Variants in ADA observed in about 807,000 individuals in gnomAD.
ADA encodes adenosine aminohydrolase.
A neutral mutation model predicts 49.0 loss-of-function variants in ADA; 45 were observed. That is an observed-to-expected ratio of 0.92 (90% confidence interval 0.72 to 1.18). The LOEUF is 1.18. ADA is among the 50% of genes most tolerant of loss of function. The pLI is 0.00. For missense variants in ADA, 445 were observed against 472.5 expected (o/e 0.94, Z 0.54); for synonymous variants, 173 against 184.2 (o/e 0.94, Z 0.49).
intron 2 of ADA, among the ~76,000 whole-genome samples, chr20:44,635,752 G>T (rs761290852): frequency 6.6e-6 from 1 of 152,126 alleles, no homozygotes; most frequent in Non-Finnish European, 1.5e-5. Context: ...ACAAAAATTA[G>T]CTGGATGTGG....
chr20:44,623,103 G>T (rs1392565883), intron 6 of ADA, 25 bp from the exon 7 acceptor site: 4 of 1,613,418 alleles, frequency 2.5e-6, no homozygotes, highest in African/African-American at 2.7e-5. Flanking sequence ...GCCAGGTCAT[G>T]GGTGCCCTAG....
chr20:44,649,038 G>A (rs2065618486), intron 1 of ADA, among the ~76,000 whole-genome samples: 3 of 152,028 alleles, frequency 2.0e-5, no homozygotes, highest in Non-Finnish European at 4.4e-5. Context: ...ATCCCCAAAG[G>A]CTTCTGCAGA....
At chr20:44,625,533 A>C in intron 5 of ADA, 36 bp downstream of exon 5, 3 of 1,537,262 alleles carry the variant, frequency 2.0e-6, no homozygotes, top group Non-Finnish European at 2.6e-6. Flanking sequence ...CCAGGGTGAG[A>C]CGGGCGGCCC....
chr20:44,649,628 A>C (rs567881678), intron 1 of ADA, among the ~76,000 whole-genome samples: 3 of 150,680 alleles, frequency 2.0e-5, no homozygotes, highest in Non-Finnish European at 4.4e-5. Context: ...ATGGGCTGTT[A>C]CAGAAGAACT....
intron 2 of ADA, among the ~76,000 whole-genome samples, chr20:44,630,040 G>A (rs1258512926): frequency 6.0e-5 from 9 of 150,352 alleles, no homozygotes; most frequent in Non-Finnish European, 1.2e-4. Context: ...GAGAACACCA[G>A]ACATTAAGAA....
intron 2 of ADA, among the ~76,000 whole-genome samples, chr20:44,634,105 T>C (rs1265131146): frequency 6.6e-6 from 1 of 152,082 alleles, no homozygotes; most frequent in Non-Finnish European, 1.5e-5. Flanking sequence ...CTTTCCCCTT[T>C]CTCTTAGCCC....
At chr20:44,630,345 C>T (rs1422461078) in intron 2 of ADA, among the ~76,000 whole-genome samples, 1 of 77,224 alleles carries the variant, frequency 1.3e-5, no homozygotes, top group Non-Finnish European at 2.7e-5. Context: ...CTCTGTATCA[C>T]AAAAAAAAAA....
chr20:44,630,552 A>G (rs1342769805), intron 2 of ADA, among the ~76,000 whole-genome samples: 2 of 152,180 alleles, frequency 1.3e-5, no homozygotes, highest in Admixed American at 1.3e-4. Flanking sequence ...GGAAATTTAC[A>G]AGAGAATGCG....
chr20:44,626,109 AG>A lies in ADA; in HGVS notation c.362+346del, dbSNP rs1401741393. Among the ~76,000 whole-genome samples, 33 of 152,300 alleles carry A rather than the reference AG, an allele frequency of 2.2e-4. No individual in the cohort carries two copies. In the East Asian group the frequency reaches 6.2e-3, roughly 29 times the overall value. ...CTCACTTCAGTTATGAAGTTAGAGC[AG>A]GACCTTTAGGGCCTTTAGAGATCTG... On this transcript the variant is annotated intron_variant, in intron 4 of 11. Coordinates refer to ENST00000372874, the MANE Select transcript of ADA (RefSeq NM_000022.4).
intron 3 of ADA, among the ~76,000 whole-genome samples, chr20:44,628,260 C>T (rs1193618150): frequency 6.6e-6 from 1 of 152,226 alleles, no homozygotes; most frequent in Non-Finnish European, 1.5e-5. Flanking sequence ...CGCAGTGGCT[C>T]ACGCCTGTAA....
rs1784751932 is a variant in ADA at position 44,624,301 on chromosome 20, A to G, written c.507T>C (p.Cys169=). Residue 169 remains cysteine (C), a synonymous_variant, in exon 6 of 12, where the codon TGT becomes TGC. Coordinates refer to ENST00000372874, the MANE Select transcript of ADA (RefSeq NM_000022.4). The part of the protein sequence containing the change: ...PNWSPKVVEL[C]KKYQQQTVVA... ...CCACGGTCTGCTGCTGGTACTTCTT[A>G]CACAGCTCCACCACCTTGGGGGACC... 5 of 1,613,650 alleles carry G rather than the reference A, an allele frequency of 3.1e-6. No individual in the cohort carries two copies. The African/African-American group carries it at 5.3e-5, about 17-fold the overall frequency.
intron 2 of ADA, among the ~76,000 whole-genome samples, chr20:44,633,620 C>T (rs948200485): frequency 1.3e-5 from 2 of 152,178 alleles, no homozygotes; most frequent in Admixed American, 6.5e-5. Flanking sequence ...GAGTAGATGG[C>T]TGAGACCAAT....
chr20:44,628,990 G>A (rs1600927415), intron 3 of ADA, 57 bp downstream of exon 3: 1 of 1,613,076 alleles, frequency 6.2e-7, no homozygotes, highest in Non-Finnish European at 8.5e-7. Flanking sequence ...GGACAGGCCT[G>A]GTCCTAGTCA....
intron 2 of ADA, among the ~76,000 whole-genome samples, chr20:44,633,768 G>A (rs2065454772): frequency 6.6e-6 from 1 of 152,194 alleles, no homozygotes; most frequent in South Asian, 2.1e-4. Flanking sequence ...GGTTGGAGAG[G>A]CCCCTGAAAA....
intron 10 of ADA, chr20:44,620,704 G>A (rs2065321980): frequency 3.6e-6 from 2 of 560,384 alleles, no homozygotes; most frequent in Admixed American, 3.0e-5. Context: ...TATTCAGCCT[G>A]GGATTTAAGA....
intron 2 of ADA, among the ~76,000 whole-genome samples, chr20:44,630,558 A>G (rs2065424677): frequency 6.6e-6 from 1 of 152,202 alleles, no homozygotes; most frequent in Non-Finnish European, 1.5e-5. Context: ...TTACAAGAGA[A>G]TGCGGCAGCA....
rs11905649 is a variant in ADA at position 44,633,871 on chromosome 20, A to G, written c.95+2356T>C. On this transcript the variant is annotated intron_variant, in intron 2 of 11. Coordinates refer to ENST00000372874, the MANE Select transcript of ADA (RefSeq NM_000022.4). ...CCAGAGCTGGAAAAAGGGCCACTGA[A>G]TTGGGCCTAGCAGGGCTCAGGCCAG... is the stretch of plus-strand genomic sequence containing the variant. 8.9e-3 allele frequency among the ~76,000 whole-genome samples: 1,349 copies of G among 152,306 alleles called. 21 individuals are homozygous for G. The highest frequency in any genetic ancestry group is 0.031 in the African/African-American group (1,285 of 41,568).
chr20:44,632,783 C>T (rs2065445739), intron 2 of ADA, among the ~76,000 whole-genome samples: 1 of 152,244 alleles, frequency 6.6e-6, no homozygotes, highest in Non-Finnish European at 1.5e-5. Flanking sequence ...ACCTTCACCT[C>T]CCTGGTTCAA....
chr20:44,635,069 C>T (rs57757721), intron 2 of ADA, among the ~76,000 whole-genome samples: 15 of 152,334 alleles, frequency 9.8e-5, no homozygotes, highest in African/African-American at 3.1e-4. Flanking sequence ...AGACCAAGTT[C>T]GCAGACAGGA....
Sources: allele counts gnomAD v4.1 joint callset (sites outside exome capture counted in the v4.1 genomes callset), GRCh38; gene constraint gnomAD v4.1.1; transcripts MANE v1.5; gene names NCBI Gene and HGNC (gene_info 2026-07-23, HGNC 2026-07-21).